Variants in PTPRT observed in about 807,000 individuals in gnomAD.
PTPRT encodes receptor-type tyrosine-protein phosphatase T.
A neutral mutation model predicts 176.8 loss-of-function variants in PTPRT; 56 were observed. That is an observed-to-expected ratio of 0.32 (90% CI 0.26 to 0.40). The LOEUF (loss-of-function observed/expected upper bound fraction) is 0.40. PTPRT is among the 10% of genes least tolerant of loss of function. The probability of loss-of-function intolerance (pLI) is 1.00; values close to 1 mark genes in which losing one functional copy is unlikely to be tolerated. For missense variants in PTPRT, 1,540 were observed against 1,908.2 expected, an observed-to-expected ratio of 0.81 and a Z score of 3.60; for synonymous variants, 783 against 739.0, an observed-to-expected ratio of 1.06 and a Z score of -0.96.
chr20:42,461,777 C>A (rs908824908), intron 8 of PTPRT, among the ~76,000 whole-genome samples: 3 of 151,870 alleles, frequency 2.0e-5, no homozygotes, highest in Admixed American at 2.0e-4. Flanking sequence ...ATCTGAGTTA[C>A]TTTGGTTGAA....
chr20:43,176,922 T>A (rs891300774), intron 1 of PTPRT, among the ~76,000 whole-genome samples: 3 of 152,210 alleles, frequency 2.0e-5, no homozygotes, highest in Non-Finnish European at 2.9e-5. Flanking sequence ...CTAGACCTCA[T>A]TAGTAAACCA....
intron 9 of PTPRT, among the ~76,000 whole-genome samples, chr20:42,392,177 T>C (rs1356058712): frequency 6.6e-6 from 1 of 152,178 alleles, no homozygotes; most frequent in Non-Finnish European, 1.5e-5. Flanking sequence ...CAGGAAAAAA[T>C]GTTACTTAAA....
At chr20:42,621,938 T>A (rs1001095227) in intron 7 of PTPRT, among the ~76,000 whole-genome samples, 4 of 152,126 alleles carry the variant, frequency 2.6e-5, no homozygotes, top group African/African-American at 9.7e-5. Flanking sequence ...TTGGCAGGGT[T>A]AAGAAAAGCA....
chr20:43,085,414 G>A (rs191421743), intron 1 of PTPRT, among the ~76,000 whole-genome samples: 30 of 152,308 alleles, frequency 2.0e-4, no homozygotes, highest in East Asian at 7.7e-4. Flanking sequence ...GAATCTTGCC[G>A]AAGCACATTC....
chr20:42,069,360 A>C (rs1280782050), downstream of PTPRT, among the ~76,000 whole-genome samples: 1 of 152,230 alleles, frequency 6.6e-6, no homozygotes, highest in Non-Finnish European at 1.5e-5. Context: ...TTTTTTAGTT[A>C]TTCTGAGCAA....
In PTPRT at chr20:42,291,937, G is replaced by C. The variant is rs376146579; in HGVS notation, c.2140-9412C>G. ...TTTTAAAGGTAGAGGCTGTTACATA[G>C]AGAATAGACTTACGGTGCAAGAGAA... On this transcript the variant is annotated intron_variant, in intron 12 of 30. Coordinates refer to ENST00000373187, the MANE Select transcript of PTPRT (RefSeq NM_007050.6). Among the ~76,000 whole-genome samples, 22 of 152,240 alleles carry C rather than the reference G, an allele frequency of 1.4e-4. 1 individual carries two copies. The East Asian group carries it at 3.7e-3, about 25-fold the overall frequency.
intron 8 of PTPRT, among the ~76,000 whole-genome samples, chr20:42,455,917 T>C (rs2070914308): frequency 6.6e-6 from 1 of 152,102 alleles, no homozygotes; most frequent in East Asian, 1.9e-4. Context: ...CTTTTCTCTT[T>C]ACATAAACAT....
In PTPRT at chr20:42,655,125, A is replaced by G. The variant is rs538353513; in HGVS notation, c.1153+22741T>C. On this transcript the variant is annotated intron_variant, in intron 7 of 30. Coordinates refer to ENST00000373187, the MANE Select transcript of PTPRT (RefSeq NM_007050.6). Reference sequence around the variant, plus strand: ...AATGGAAAGGTATGGAAGTAGCAAAATTAAATCACATTTAAAAATACATCA... The same window carrying G: ...AATGGAAAGGTATGGAAGTAGCAAAGTTAAATCACATTTAAAAATACATCA... Among the ~76,000 whole-genome samples, 8 of 152,230 alleles carry G rather than the reference A, an allele frequency of 5.3e-5. No homozygotes were observed. The South Asian group carries it at 1.7e-3, about 32-fold the overall frequency.
the PTPRT span, among the ~76,000 whole-genome samples, chr20:42,042,999 A>G: frequency 6.6e-6 from 1 of 152,222 alleles, no homozygotes; most frequent in Non-Finnish European, 1.5e-5. Flanking sequence ...AGAGAGACTG[A>G]TGTGTGCCCT....
At chr20:42,633,548 C>T (rs1489149445) in intron 7 of PTPRT, among the ~76,000 whole-genome samples, 4 of 151,608 alleles carry the variant, frequency 2.6e-5, no homozygotes, top group African/African-American at 7.3e-5. Flanking sequence ...GTAATCCCAG[C>T]ACTTTGGGAG....
intron 2 of PTPRT, among the ~76,000 whole-genome samples, chr20:42,857,109 A>G (rs192281411): frequency 1.3e-5 from 2 of 152,374 alleles, no homozygotes; most frequent in Non-Finnish European, 2.9e-5. Context: ...TGGCATTCCC[A>G]TCGGCAATGT....
chr20:42,294,121 T>C (rs931013673), intron 12 of PTPRT, among the ~76,000 whole-genome samples: 2 of 152,320 alleles, frequency 1.3e-5, no homozygotes, highest in East Asian at 1.9e-4. Flanking sequence ...TGTCATCCTA[T>C]GTGGAGAACA....
At chr20:42,090,002 G>A (rs1052194561) in intron 27 of PTPRT, among the ~76,000 whole-genome samples, 5 of 152,162 alleles carry the variant, frequency 3.3e-5, no homozygotes, top group Non-Finnish European at 5.9e-5. Context: ...CAAAAGGTGC[G>A]AAAATGCATT....
intron 23 of PTPRT, among the ~76,000 whole-genome samples, chr20:42,109,034 G>GAGGT (rs1568939673): frequency 6.6e-6 from 1 of 152,050 alleles, no homozygotes; most frequent in African/African-American, 2.4e-5. Flanking sequence ...TGATTGCTAT[G>GAGGT]AGATATAAAG....
chr20:42,040,115 C>T, the PTPRT span, among the ~76,000 whole-genome samples: 2 of 151,866 alleles, frequency 1.3e-5, no homozygotes, highest in South Asian at 2.1e-4. Flanking sequence ...TATCTCTTGT[C>T]TTGTTGCTAA....
chr20:42,384,286 G>C (rs1165793968), intron 9 of PTPRT, among the ~76,000 whole-genome samples: 1 of 152,168 alleles, frequency 6.6e-6, no homozygotes, highest in Non-Finnish European at 1.5e-5. Flanking sequence ...TAACCACTGT[G>C]TCACACATAC....
chr20:42,278,517 T>A (rs936612757), intron 13 of PTPRT, among the ~76,000 whole-genome samples: 5 of 151,652 alleles, frequency 3.3e-5, no homozygotes, highest in Non-Finnish European at 5.9e-5. Flanking sequence ...TAAGGAAAAG[T>A]AGCAAAATGA....
intron 1 of PTPRT, among the ~76,000 whole-genome samples, chr20:43,154,587 T>C (rs924974504): frequency 6.6e-6 from 1 of 152,238 alleles, no homozygotes; most frequent in African/African-American, 2.4e-5. Context: ...GGGATTACAC[T>C]GAATCTTTAG....
chr20:42,758,247 T>G (rs961337254), intron 5 of PTPRT, among the ~76,000 whole-genome samples: 1 of 152,218 alleles, frequency 6.6e-6, no homozygotes, highest in Non-Finnish European at 1.5e-5. Flanking sequence ...CGATCTTCAT[T>G]GTTTCCTGCA....
Sources: allele counts gnomAD v4.1 joint callset (sites outside exome capture counted in the v4.1 genomes callset), GRCh38; gene constraint gnomAD v4.1.1; transcripts MANE v1.5; gene names NCBI Gene and HGNC (gene_info 2026-07-23, HGNC 2026-07-21).